The following CCDC91 variants were observed in gnomAD, a reference collection of about 807,000 sequenced individuals.
The protein encoded by CCDC91 is coiled-coil domain containing 91.
A neutral mutation model predicts 63.2 loss-of-function variants in CCDC91; 48 were observed. The observed-to-expected ratio is 0.76, with a 90% CI of 0.60 to 0.97. The LOEUF (loss-of-function observed/expected upper bound fraction) is 0.97, where lower values mean the gene tolerates loss of function less well. Ranked by LOEUF, CCDC91 falls within the 50% of genes least tolerant of loss-of-function variation. The pLI is 0.00. For synonymous variants in CCDC91, 167 were observed against 165.8 expected, an observed-to-expected ratio of 1.01 and a Z score of -0.06; for missense variants, 500 against 494.6, an observed-to-expected ratio of 1.01 and a Z score of -0.10.
intron 8 of CCDC91, among the ~76,000 whole-genome samples, chr12:28,392,645 A>G (rs945803317): frequency 6.6e-6 from 1 of 152,216 alleles, no homozygotes. Flanking sequence ...GAATAGCACA[A>G]ATATACCACA....
chr12:28,515,139 T>C (rs550407302), intron 12 of CCDC91, among the ~76,000 whole-genome samples: 58 of 151,852 alleles, frequency 3.8e-4, no homozygotes, highest in African/African-American at 1.1e-3. Context: ...GTGTTTTTTT[T>C]CCCCCAACTG....
At chr12:28,232,456 G>A (rs1327232420) in intron 1 of CCDC91, among the ~76,000 whole-genome samples, 1 of 151,916 alleles carries the variant, frequency 6.6e-6, no homozygotes, top group Non-Finnish European at 1.5e-5. Flanking sequence ...TAGATTATAA[G>A]TGCCTTGAGC....
intron 3 of CCDC91, among the ~76,000 whole-genome samples, chr12:28,263,684 T>A (rs1193927050): frequency 6.6e-6 from 1 of 152,058 alleles, no homozygotes; most frequent in Admixed American, 6.6e-5. Context: ...AAATATTTTA[T>A]AAGTATGACT....
chr12:28,202,568 A>G (rs1379099921), intron 1 of CCDC91, among the ~76,000 whole-genome samples: 1 of 152,218 alleles, frequency 6.6e-6, no homozygotes, highest in Non-Finnish European at 1.5e-5. Flanking sequence ...TAATGCTTGG[A>G]AGCAATGAGT....
intron 12 of CCDC91, among the ~76,000 whole-genome samples, chr12:28,503,688 A>G (rs1254764945): frequency 6.6e-6 from 1 of 152,224 alleles, no homozygotes; most frequent in Non-Finnish European, 1.5e-5. Flanking sequence ...ACCAACCCAA[A>G]TGTCCAACAA....
chr12:28,384,832 T>C (rs553242268), intron 7 of CCDC91, among the ~76,000 whole-genome samples: 6 of 152,278 alleles, frequency 3.9e-5, no homozygotes, highest in African/African-American at 1.4e-4. Flanking sequence ...GAAAAATAGA[T>C]GAATGATTCT....
chr12:28,273,386 C>G (rs1249197243), intron 3 of CCDC91, among the ~76,000 whole-genome samples: 1 of 152,144 alleles, frequency 6.6e-6, no homozygotes, highest in Non-Finnish European at 1.5e-5. Flanking sequence ...AATGGTATTT[C>G]TAGTTCTAGA....
intron 12 of CCDC91, among the ~76,000 whole-genome samples, chr12:28,498,147 A>C (rs1952411368): frequency 6.6e-6 from 1 of 151,612 alleles, no homozygotes; most frequent in Non-Finnish European, 1.5e-5. Flanking sequence ...GTTAGTAAAA[A>C]TCTCTTTCAC....
At chr12:28,292,894 C>T (rs899934567) in intron 3 of CCDC91, among the ~76,000 whole-genome samples, 19 of 152,000 alleles carry the variant, frequency 1.3e-4, no homozygotes, top group African/African-American at 1.9e-4. Flanking sequence ...ATAATACTTA[C>T]GTTGTGTGTA....
intron 6 of CCDC91, among the ~76,000 whole-genome samples, chr12:28,351,937 A>G (rs11610567): frequency 6.6e-6 from 1 of 152,156 alleles, no homozygotes; most frequent in Non-Finnish European, 1.5e-5. Context: ...AGTTCTCCAC[A>G]GATCTTTTCT....
intron 8 of CCDC91, among the ~76,000 whole-genome samples, chr12:28,449,260 A>G (rs1386260439): frequency 6.6e-6 from 1 of 152,112 alleles, no homozygotes; most frequent in Non-Finnish European, 1.5e-5. Context: ...AAAAGACACA[A>G]ATCTATTTTA....
intron 3 of CCDC91, among the ~76,000 whole-genome samples, chr12:28,294,234 C>CT (rs531655822): frequency 1.3e-5 from 2 of 152,156 alleles, no homozygotes; most frequent in South Asian, 2.1e-4. Flanking sequence ...GTTCTCTCCG[C>CT]TTTTTTCATT....
chr12:28,221,970 CTT>C (rs1321925492), intron 1 of CCDC91, among the ~76,000 whole-genome samples: 1 of 152,168 alleles, frequency 6.6e-6, no homozygotes, highest in Non-Finnish European at 1.5e-5. Context: ...CCACCATACT[CTT>C]TGGCCTGGAA....
chr12:28,294,895 T>A (rs2136878687), intron 3 of CCDC91, among the ~76,000 whole-genome samples: 1 of 152,284 alleles, frequency 6.6e-6, no homozygotes, highest in South Asian at 2.1e-4. Context: ...TAAACCTGCT[T>A]CTTTATACAT....
rs117404337 is a variant in CCDC91 at position 28,436,829 on chromosome 12, A to G, written c.763-13332A>G. Among the ~76,000 whole-genome samples, 1,086 of 152,100 alleles carry G rather than the reference A, an allele frequency of 7.1e-3. 5 individuals carry two copies. Among genetic ancestry groups the G allele is most frequent in the Non-Finnish European group, 0.012 (800 of 67,902 alleles). ...AACATGTTCTGTAGAAAAACATGGT[A>G]ATGCATACTTTTAGGAATTCATGTG... On this transcript the variant is annotated intron_variant, in intron 8 of 12. Transcript: ENST00000536442.
At chr12:28,429,829 A>C (rs1948533238) in intron 8 of CCDC91, among the ~76,000 whole-genome samples, 1 of 147,864 alleles carries the variant, frequency 6.8e-6, no homozygotes, top group Admixed American at 6.6e-5. Flanking sequence ...ATTACAAATC[A>C]AGATTAAAAA....
At chr12:28,336,406 TTA>T (rs746216055) in intron 6 of CCDC91, among the ~76,000 whole-genome samples, 25 of 152,248 alleles carry the variant, frequency 1.6e-4, no homozygotes, top group Non-Finnish European at 3.1e-4. Flanking sequence ...CAAAAAAGAT[TTA>T]TGCTGTGTAT....
At chr12:28,519,152 C>T (rs1940295672) in intron 12 of CCDC91, among the ~76,000 whole-genome samples, 1 of 151,890 alleles carries the variant, frequency 6.6e-6, no homozygotes, top group African/African-American at 2.4e-5. Context: ...TGATCATTTT[C>T]ACAATATTGA....
chr12:28,308,022 C>T (rs1254622424), intron 6 of CCDC91, among the ~76,000 whole-genome samples: 13 of 151,932 alleles, frequency 8.6e-5, no homozygotes, highest in Non-Finnish European at 1.9e-4. Context: ...ACTGTTTATT[C>T]TAATTTTTGT....
Sources: gnomAD v4.1 joint callset for allele counts (sites outside exome capture counted in the v4.1 genomes callset) on GRCh38, gnomAD v4.1.1 for gene constraint, MANE v1.5 for transcripts, NCBI Gene and HGNC (gene_info 2026-07-23, HGNC 2026-07-21) for gene names.